Variants in LARP1 observed in about 807,000 individuals in gnomAD.
LARP1 encodes the protein la-related protein 1.
A neutral mutation model predicts 122.7 loss-of-function variants in LARP1; 36 were observed. The observed-to-expected ratio is 0.29, with a 90% CI of 0.22 to 0.39. LARP1 has a LOEUF of 0.39. Among genes scored for constraint, LARP1 ranks in the 10% least tolerant of loss-of-function variants. The probability of loss-of-function intolerance (pLI) is 1.00; values close to 1 mark genes in which losing one functional copy is unlikely to be tolerated. For synonymous variants in LARP1, 539 were observed against 528.7 expected, an observed-to-expected ratio of 1.02 and a Z score of -0.27; for missense variants, 1,040 against 1,403.6, an observed-to-expected ratio of 0.74 and a Z score of 4.14.
At chr5:154,805,794 C>T in intron 14 of LARP1, 87 bp from the exon 15 acceptor site, 2 of 1,415,618 alleles carry the variant, frequency 1.4e-6, no homozygotes, top group Non-Finnish European at 9.6e-7. Flanking sequence ...TGGATCTTGG[C>T]TGACAGAACG....
chr5:154,774,768 T>C (rs1054840375), intron 1 of LARP1, among the ~76,000 whole-genome samples: 1 of 152,148 alleles, frequency 6.6e-6, no homozygotes, highest in Non-Finnish European at 1.5e-5. Context: ...ATCCTAGACT[T>C]GAAGCAGGTC....
chr5:154,723,511 T>A (rs1354704565), intron 1 of LARP1, among the ~76,000 whole-genome samples: 1 of 152,130 alleles, frequency 6.6e-6, no homozygotes, highest in Non-Finnish European at 1.5e-5. Context: ...AGGGGTGGTA[T>A]AGGCAAAGGT....
At chr5:154,697,388 A>G (rs1209279291) in intron 1 of LARP1, among the ~76,000 whole-genome samples, 1 of 152,084 alleles carries the variant, frequency 6.6e-6, no homozygotes, top group Non-Finnish European at 1.5e-5. Context: ...CTGTCTTAGC[A>G]CCTGTGTCTA....
In LARP1 at chr5:154,817,603, A is replaced by C. The variant is rs1327508673; in HGVS notation, c.*3507A>C. Reference sequence around the variant, plus strand: ...ATAAAAATAAACACTTGAAAAGGCAAAATACTGGCTGGTCTTCCATCTAGG... The same window carrying C: ...ATAAAAATAAACACTTGAAAAGGCACAATACTGGCTGGTCTTCCATCTAGG... On this transcript the variant is annotated 3_prime_UTR_variant, in exon 19 of 19. Coordinates refer to ENST00000518297, the MANE Select transcript of LARP1 (RefSeq NM_033551.3). 6.6e-6 allele frequency: 1 copy of C among 152,648 alleles called. No homozygotes were observed. The highest frequency in any genetic ancestry group is 1.5e-5 in the Non-Finnish European group (1 of 68,038). The allele number at this position is 152,648 out of a possible 1,614,324, so 9.5% of individuals were successfully genotyped here.
At chr5:154,744,618 T>TC (rs1157239022) in intron 1 of LARP1, among the ~76,000 whole-genome samples, 1 of 51,080 alleles carries the variant, frequency 2.0e-5, no homozygotes, top group Non-Finnish European at 3.5e-5. Context: ...GATATGCAAT[T>TC]TTTTTTTTTT....
intron 1 of LARP1, among the ~76,000 whole-genome samples, chr5:154,774,394 G>T (rs1755693460): frequency 6.6e-6 from 1 of 152,158 alleles, no homozygotes; most frequent in African/African-American, 2.4e-5. Context: ...GGCTGGGGAG[G>T]GTCTGCTCCA....
intron 1 of LARP1, among the ~76,000 whole-genome samples, chr5:154,721,371 A>G (rs867487899): frequency 2.1e-5 from 3 of 140,432 alleles, no homozygotes; most frequent in South Asian, 2.2e-4. Context: ...AAAAAAAAAA[A>G]GTGTCAGGGA....
Position 154,803,591 on chromosome 5 carries a change from C to G in LARP1, c.2285C>G (p.Thr762Ser), listed in dbSNP as rs755146527. 3 of 1,614,032 alleles carry G rather than the reference C, an allele frequency of 1.9e-6. No homozygotes were observed. The African/African-American group carries it at 4.0e-5, about 22-fold the overall frequency. ...TTGTTTGGTGCTCCTGAGCCCTCCACCATCGCCCGCTCTCTACCAACCACT... is the reference window on the plus strand; with the variant it reads ...TTGTTTGGTGCTCCTGAGCCCTCCAGCATCGCCCGCTCTCTACCAACCACT... Reference protein sequence around the residue: ...NKLFGAPEPSTIARSLPTTVP... With the variant: ...NKLFGAPEPSSIARSLPTTVP... The change falls in exon 13 of 19, where the codon ACC becomes AGC. Residue 762 changes from threonine to serine, a missense_variant. Physicochemically the swap from Thr to Ser is moderately conservative, Grantham distance 58. This residue lies in a region of LARP1 where 362 missense variants were observed against 533.1 expected (regional missense o/e 0.68). Coordinates refer to ENST00000518297, the MANE Select transcript of LARP1 (RefSeq NM_033551.3). This position sits in a 1 kb window ranked among gnomAD's most constrained non-coding sequence, Gnocchi z 4.4.
At chr5:154,767,158 C>T (rs1212311024) in intron 1 of LARP1, among the ~76,000 whole-genome samples, 3 of 152,136 alleles carry the variant, frequency 2.0e-5, no homozygotes. Context: ...CACTGAGTGC[C>T]CTTGGATAGG....
At chr5:154,777,037 C>T (rs764600960) in intron 1 of LARP1, among the ~76,000 whole-genome samples, 16 of 152,126 alleles carry the variant, frequency 1.1e-4, no homozygotes, top group Non-Finnish European at 1.6e-4. Flanking sequence ...ATTTTGTCAT[C>T]GTATGAACCT....
chr5:154,792,740 C>T lies in LARP1; in HGVS notation c.683C>T (p.Ser228Leu), dbSNP rs1185664842. The T allele has an allele frequency of 1.2e-6, 2 of 1,614,048 alleles. No individual in the cohort carries two copies. Among genetic ancestry groups the T allele is most frequent in the Non-Finnish European group, 8.5e-7 (1 of 1,180,010 alleles). ...KESPKTKSDESGEEKNGDEDC... is the reference protein window; with the variant it reads ...KESPKTKSDELGEEKNGDEDC... The stretch of plus-strand genomic sequence containing the variant: ...AGTCCAAAAACCAAATCAGATGAAT[C>T]AGGGGAGGAAAAGAATGGAGATGAG... The change falls in exon 4 of 19, where the codon TCA becomes TTA. Residue 228 changes from serine to leucine, a missense_variant. Ser to Leu is a moderately radical substitution (Grantham distance 145). Around this residue, in one of 8 missense-constraint regions of LARP1, gnomAD observed 257 missense variants for 273.3 expected, o/e 0.94. Coordinates refer to ENST00000518297, the MANE Select transcript of LARP1 (RefSeq NM_033551.3).
exon 1 of LARP1, chr5:154,712,902 G>C (rs1319235008): frequency 3.7e-6 from 6 of 1,608,746 alleles, no homozygotes; most frequent in Non-Finnish European, 4.3e-6. Flanking sequence ...GGGCCACATA[G>C]TGACCCCAGG....
In LARP1 at chr5:154,803,639, G is replaced by A. The variant is rs926314441; in HGVS notation, c.2333G>A (p.Arg778His). 14 of 1,613,938 alleles carry A rather than the reference G, an allele frequency of 8.7e-6. No individual in the cohort carries two copies. The highest frequency in any genetic ancestry group is 1.3e-5 in the African/African-American group (1 of 74,846). Residue 778 changes from arginine (R) to histidine (H), a missense_variant, in exon 13 of 19, where the codon CGC becomes CAC. Transcript: ENST00000518297. The surrounding 1 kb of genome is among the most constrained non-coding windows in gnomAD (Gnocchi z 4.4). ...ACTGTCCCAGAGTCACCAAACTACCGCAACACCAGGACCCCTCGCACTCCC... is the reference window on the plus strand; with the variant it reads ...ACTGTCCCAGAGTCACCAAACTACCACAACACCAGGACCCCTCGCACTCCC... ...PTTVPESPNY[R>H]NTRTPRTPRT...
chr5:154,778,346 T>A (rs1160498223), intron 1 of LARP1, among the ~76,000 whole-genome samples: 1 of 151,922 alleles, frequency 6.6e-6, no homozygotes, highest in Non-Finnish European at 1.5e-5. Context: ...GTTTAACAGT[T>A]GAAACTCATT....
upstream of LARP1, among the ~76,000 whole-genome samples, chr5:154,751,445 A>G (rs1052351718): frequency 1.3e-5 from 2 of 152,252 alleles, no homozygotes; most frequent in South Asian, 2.1e-4. Context: ...AGATTAAATG[A>G]GATAATGAAT....
chr5:154,740,611 C>G (rs1757182656), intron 1 of LARP1, among the ~76,000 whole-genome samples: 1 of 152,206 alleles, frequency 6.6e-6, no homozygotes, highest in Non-Finnish European at 1.5e-5. Context: ...CGCTGCAGAG[C>G]TGGAATTCCA....
intron 8 of LARP1, among the ~76,000 whole-genome samples, chr5:154,796,463 AT>A: frequency 6.6e-6 from 1 of 151,598 alleles, no homozygotes; most frequent in Non-Finnish European, 1.5e-5. Flanking sequence ...ATCCTGTAGG[AT>A]TTTCCACAGG....
At chr5:154,806,796 A>T (rs1320249766) in intron 15 of LARP1, among the ~76,000 whole-genome samples, 1 of 152,210 alleles carries the variant, frequency 6.6e-6, no homozygotes, top group African/African-American at 2.4e-5. Context: ...TCTATGTGTA[A>T]TAACAGCTTT....
At chr5:154,797,426 T>C (rs949973675) in intron 8 of LARP1, among the ~76,000 whole-genome samples, 1 of 151,686 alleles carries the variant, frequency 6.6e-6, no homozygotes, top group Non-Finnish European at 1.5e-5. Context: ...AGAGATGGGG[T>C]TTCACCATGT....
Sources: allele counts gnomAD v4.1 joint callset (sites outside exome capture counted in the v4.1 genomes callset), GRCh38; gene constraint gnomAD v4.1.1; regional missense constraint gnomAD v4.1.1; non-coding constraint Gnocchi (gnomAD v3.1); transcripts MANE v1.5; gene names NCBI Gene and HGNC (gene_info 2026-07-23, HGNC 2026-07-21).